Variants in A1CF observed in about 807,000 individuals in gnomAD.
A1CF encodes the protein APOBEC-1 stimulating protein.
A1CF carries 48 observed loss-of-function variants against 68.9 expected under a neutral mutation model. The observed-to-expected ratio is 0.70, with a 90% CI of 0.55 to 0.89. The LOEUF (loss-of-function observed/expected upper bound fraction) is 0.89, where lower values mean the gene tolerates loss of function less well. Ranked by LOEUF, A1CF falls within the 40% of genes least tolerant of loss-of-function variation. The probability of loss-of-function intolerance (pLI) is 0.00; values close to 1 mark genes in which losing one functional copy is unlikely to be tolerated. For synonymous variants in A1CF, 272 were observed against 260.4 expected (o/e 1.04, Z -0.43); for missense variants, 653 against 718.9 (o/e 0.91, Z 1.05).
intron 1 of A1CF, 60 bp downstream of exon 1, chr10:50,885,521 T>C (rs926221844): frequency 2.0e-5 from 3 of 152,236 alleles, no homozygotes; most frequent in Admixed American, 6.5e-5. Flanking sequence ...TTCCCACTGA[T>C]ACCACAATAC....
At chr10:50,880,281 G>A (rs1841708990) in intron 1 of A1CF, among the ~76,000 whole-genome samples, 1 of 152,136 alleles carries the variant, frequency 6.6e-6, no homozygotes, top group South Asian at 2.1e-4. Flanking sequence ...GGTGTGACCT[G>A]GGGCAAATTT....
intron 3 of A1CF, among the ~76,000 whole-genome samples, chr10:50,852,453 T>C (rs576677924): frequency 6.6e-6 from 1 of 152,308 alleles, no homozygotes; most frequent in African/African-American, 2.4e-5. Flanking sequence ...GCTTCTGAGC[T>C]TTAAAATAAA....
intron 7 of A1CF, chr10:50,822,729 G>C (rs1274039397): frequency 6.6e-6 from 1 of 152,216 alleles, no homozygotes; most frequent in Non-Finnish European, 1.5e-5. Context: ...ATCCAATATA[G>C]TCTCTTCATT....
chr10:50,848,069 T>G (rs970487558), intron 3 of A1CF, among the ~76,000 whole-genome samples: 1 of 152,138 alleles, frequency 6.6e-6, no homozygotes, highest in African/African-American at 2.4e-5. Flanking sequence ...TTTTTCTGAG[T>G]GCTTTACATT....
At chr10:50,883,808 T>C (rs896562931) in intron 1 of A1CF, among the ~76,000 whole-genome samples, 2 of 152,228 alleles carry the variant, frequency 1.3e-5, no homozygotes, top group African/African-American at 2.4e-5. Context: ...GGTTACGTGC[T>C]TGGGCTCTGG....
At chr10:50,838,971 C>T (rs1289573532) in intron 5 of A1CF, among the ~76,000 whole-genome samples, 1 of 152,150 alleles carries the variant, frequency 6.6e-6, no homozygotes, top group Admixed American at 6.6e-5. Context: ...CCTTCTCCTC[C>T]TCCATCATCA....
intron 9 of A1CF, 96 bp from the exon 10 acceptor site, chr10:50,814,134 A>C: frequency 7.2e-7 from 1 of 1,397,632 alleles, no homozygotes; most frequent in African/African-American, 1.4e-5. Flanking sequence ...TGTAATGGAA[A>C]AGTTAGCCCA....
intron 5 of A1CF, among the ~76,000 whole-genome samples, chr10:50,841,601 G>C (rs929233212): frequency 6.6e-6 from 1 of 152,128 alleles, no homozygotes; most frequent in African/African-American, 2.4e-5. Context: ...ATTTTGAACA[G>C]TGCCCAATAT....
At chr10:50,884,997 A>G (rs1307478714) in intron 1 of A1CF, among the ~76,000 whole-genome samples, 1 of 152,224 alleles carries the variant, frequency 6.6e-6, no homozygotes, top group Non-Finnish European at 1.5e-5. Context: ...ATTTTCCATA[A>G]TATTTTTTTG....
intron 2 of A1CF, among the ~76,000 whole-genome samples, chr10:50,861,784 A>G (rs28546354): frequency 0.041 from 6,017 of 147,906 alleles, 381 homozygotes; most frequent in African/African-American, 0.14. Flanking sequence ...AATCATAATA[A>G]TAGTAATAGT....
chr10:50,850,191 A>C (rs1840176758), intron 3 of A1CF, among the ~76,000 whole-genome samples: 1 of 152,202 alleles, frequency 6.6e-6, no homozygotes, highest in Non-Finnish European at 1.5e-5. Context: ...ACTATGAGTA[A>C]ATTATGAGTC....
At chr10:50,830,986 G>C (rs1839210307) in intron 6 of A1CF, among the ~76,000 whole-genome samples, 1 of 152,118 alleles carries the variant, frequency 6.6e-6, no homozygotes, top group South Asian at 2.1e-4. Context: ...CTTTGACAAA[G>C]GTGCCAAGAA....
chr10:50,860,127 G>C (rs183565965), intron 2 of A1CF, 142 bp from the exon 3 acceptor site: 49 of 563,544 alleles, frequency 8.7e-5, no homozygotes, highest in East Asian at 4.6e-4. Context: ...TACAAACAAG[G>C]CTGTGTAAAT....
chr10:50,885,454 G>C (rs192143342), intron 1 of A1CF, 127 bp downstream of exon 1: 7 of 152,248 alleles, frequency 4.6e-5, no homozygotes, highest in Admixed American at 4.6e-4. Flanking sequence ...AAACAAGCTA[G>C]ATAATTCTTT....
At chr10:50,820,753 A>G in intron 7 of A1CF, 104 bp from the exon 8 acceptor site, 1 of 801,592 alleles carries the variant, frequency 1.2e-6, no homozygotes, top group Non-Finnish European at 1.9e-6. Flanking sequence ...TTTTTTATGG[A>G]TACCTCATAT....
At chr10:50,858,893 T>A (rs1840610317) in intron 3 of A1CF, among the ~76,000 whole-genome samples, 1 of 152,064 alleles carries the variant, frequency 6.6e-6, no homozygotes, top group South Asian at 2.1e-4. Flanking sequence ...ACTAACGCTC[T>A]TCATTAGGAT....
rs555915620 is a variant in A1CF at position 50,861,804 on chromosome 10, T to C, written c.-45-1819A>G. Among the ~76,000 whole-genome samples, 306 of 148,296 alleles carry C rather than the reference T, an allele frequency of 2.1e-3. 1 individual carries two copies. The highest frequency in any genetic ancestry group is 5.0e-3 in the African/African-American group (205 of 40,888). On this transcript the variant is annotated intron_variant, in intron 2 of 12. Coordinates refer to ENST00000373997, the MANE Select transcript of A1CF (RefSeq NM_014576.4). ...TAATAATAGTAATAGTAATTATTAC[T>C]AGTAATTATAATAATACTATGATAG...
In A1CF at chr10:50,802,664, T is replaced by TA. The variant is rs532204492; in HGVS notation, c.*4064dup. The TA allele has an allele frequency of 4.6e-4, 61 of 133,014 alleles. No homozygotes were observed. Among genetic ancestry groups the TA allele is most frequent in the African/African-American group, 1.3e-3 (53 of 40,372 alleles). 8.2% of individuals were successfully genotyped at this position (133,014 alleles called of 1,614,324 possible). On this transcript the variant is annotated 3_prime_UTR_variant, in exon 13 of 13. Coordinates refer to ENST00000373997, the MANE Select transcript of A1CF (RefSeq NM_014576.4). ...ACATAGTTCATTTTTTGTTGTAAGT[T>TA]ACTTTTAGGAAATCTTAGTGTTAGA...
At chr10:50,820,751 G>T in intron 7 of A1CF, 102 bp from the exon 8 acceptor site, 1 of 810,470 alleles carries the variant, frequency 1.2e-6, no homozygotes, top group South Asian at 2.1e-5. Flanking sequence ...TTTTTTTTAT[G>T]GATACCTCAT....
Sources: gnomAD v4.1 joint callset for allele counts (sites outside exome capture counted in the v4.1 genomes callset) on GRCh38, gnomAD v4.1.1 for gene constraint, MANE v1.5 for transcripts, NCBI Gene and HGNC (gene_info 2026-07-23, HGNC 2026-07-21) for gene names.